Variants in RSRC1 observed in about 807,000 individuals in gnomAD.
RSRC1 encodes arginine and serine rich coiled-coil 1, also known as serine/Arginine-related protein 53.
A neutral mutation model predicts 49.1 loss-of-function variants in RSRC1; 39 were observed. The ratio of observed to expected loss-of-function variants is 0.79; its 90% CI spans 0.61 to 1.04. The LOEUF (loss-of-function observed/expected upper bound fraction) is 1.04. Among genes scored for constraint, RSRC1 ranks in the 50% least tolerant of loss-of-function variants. The pLI, the probability that RSRC1 is intolerant of heterozygous loss-of-function variation, is 0.00. For synonymous variants in RSRC1, 143 were observed against 130.8 expected (o/e 1.09, Z -0.63); for missense variants, 388 against 402.4 (o/e 0.96, Z 0.31).
At chr3:158,241,480 A>G (rs1426664002) in intron 4 of RSRC1, among the ~76,000 whole-genome samples, 1 of 151,410 alleles carries the variant, frequency 6.6e-6, no homozygotes, top group Non-Finnish European at 1.5e-5. Context: ...ATATTATAAA[A>G]ATATTTTTTT....
intron 4 of RSRC1, among the ~76,000 whole-genome samples, chr3:158,207,553 G>A (rs1721411410): frequency 6.6e-6 from 1 of 152,084 alleles, no homozygotes; most frequent in African/African-American, 2.4e-5. Context: ...ATTGTGCAGT[G>A]CATGACAAGT....
intron 6 of RSRC1, among the ~76,000 whole-genome samples, chr3:158,454,832 C>T (rs1183783803): frequency 2.0e-5 from 3 of 152,056 alleles, no homozygotes; most frequent in East Asian, 1.9e-4. Context: ...TCATTGTGCC[C>T]TGTCTCCATT....
intron 6 of RSRC1, among the ~76,000 whole-genome samples, chr3:158,399,601 A>G (rs531543648): frequency 6.6e-6 from 1 of 152,298 alleles, no homozygotes; most frequent in Admixed American, 6.5e-5. Context: ...GTAATATGAA[A>G]TTAGAAATCC....
chr3:158,410,454 A>T (rs374301164), intron 6 of RSRC1, among the ~76,000 whole-genome samples: 1 of 152,202 alleles, frequency 6.6e-6, no homozygotes, highest in South Asian at 2.1e-4. Flanking sequence ...AACTTCTTTC[A>T]TAGTAATCAA....
At chr3:158,504,185 C>T (rs1739743514) in intron 7 of RSRC1, among the ~76,000 whole-genome samples, 1 of 152,210 alleles carries the variant, frequency 6.6e-6, no homozygotes, top group South Asian at 2.1e-4. Flanking sequence ...GAGGCTGTCC[C>T]ATTCTCACTT....
intron 4 of RSRC1, among the ~76,000 whole-genome samples, chr3:158,249,831 A>G (rs187155448): frequency 2.0e-4 from 30 of 152,260 alleles, no homozygotes; most frequent in African/African-American, 3.1e-4. Context: ...AAACAATTCA[A>G]TTATACTTTT....
At chr3:158,145,773 G>A (rs149140560) in intron 3 of RSRC1, among the ~76,000 whole-genome samples, 50 of 152,304 alleles carry the variant, frequency 3.3e-4, no homozygotes, top group African/African-American at 1.2e-3. Flanking sequence ...AACATGGAAT[G>A]TTCTTCCATT....
At chr3:158,436,187 A>G (rs1034304041) in intron 6 of RSRC1, among the ~76,000 whole-genome samples, 1 of 151,936 alleles carries the variant, frequency 6.6e-6, no homozygotes, top group Admixed American at 6.6e-5. Flanking sequence ...GACCTCAAGT[A>G]GTTGGCAGTC....
At chr3:158,447,258 A>G (rs573554703) in intron 6 of RSRC1, among the ~76,000 whole-genome samples, 2 of 152,124 alleles carry the variant, frequency 1.3e-5, no homozygotes, top group Admixed American at 6.6e-5. Context: ...TTAGACTTAA[A>G]TGATGAGTCT....
intron 3 of RSRC1, among the ~76,000 whole-genome samples, chr3:158,147,384 T>G (rs373833945): frequency 2.0e-5 from 3 of 152,096 alleles, no homozygotes; most frequent in African/African-American, 7.2e-5. Flanking sequence ...GGGACTACAA[T>G]TCCATCATTA....
chr3:158,242,385 T>C (rs1279977129), intron 4 of RSRC1, among the ~76,000 whole-genome samples: 2 of 152,142 alleles, frequency 1.3e-5, no homozygotes, highest in Admixed American at 6.6e-5. Flanking sequence ...CATGATCTTG[T>C]TCCTTTTTAT....
At chr3:158,323,419 A>G (rs1281965854) in intron 5 of RSRC1, among the ~76,000 whole-genome samples, 2 of 152,176 alleles carry the variant, frequency 1.3e-5, no homozygotes, top group Non-Finnish European at 2.9e-5. Flanking sequence ...CAAATTCACA[A>G]TTCTCCCGGA....
At chr3:158,116,337 G>A (rs985488117) in intron 1 of RSRC1, among the ~76,000 whole-genome samples, 1 of 152,042 alleles carries the variant, frequency 6.6e-6, no homozygotes, top group African/African-American at 2.4e-5. Flanking sequence ...CATAATAAAA[G>A]CAGCTAATTC....
chr3:158,184,137 G>C (rs1371673063), intron 3 of RSRC1, among the ~76,000 whole-genome samples: 2 of 152,018 alleles, frequency 1.3e-5, no homozygotes, highest in Admixed American at 6.6e-5. Context: ...CTAAGAAAAA[G>C]TATAATTTTT....
chr3:158,446,657 G>T (rs1009337377), intron 6 of RSRC1, among the ~76,000 whole-genome samples: 1 of 151,716 alleles, frequency 6.6e-6, no homozygotes, highest in Non-Finnish European at 1.5e-5. Context: ...TTGTATGTGG[G>T]ACTGAATTTA....
intron 7 of RSRC1, among the ~76,000 whole-genome samples, chr3:158,528,723 T>G (rs887111578): frequency 1.3e-5 from 2 of 151,952 alleles, no homozygotes; most frequent in Non-Finnish European, 2.9e-5. Flanking sequence ...CTGGTATACA[T>G]CAAATTATAT....
intron 6 of RSRC1, among the ~76,000 whole-genome samples, chr3:158,364,816 A>AAT (rs1731669009): frequency 3.5e-5 from 5 of 144,210 alleles, no homozygotes; most frequent in Non-Finnish European, 6.1e-5. Context: ...AGAATGGGAA[A>AAT]AATAATAATA....
At chr3:158,388,389 CT>C in intron 6 of RSRC1, among the ~76,000 whole-genome samples, 1 of 152,090 alleles carries the variant, frequency 6.6e-6, no homozygotes, top group South Asian at 2.1e-4. Flanking sequence ...AGATATCACC[CT>C]TTACATTATT....
intron 4 of RSRC1, among the ~76,000 whole-genome samples, chr3:158,263,244 T>A (rs1724995225): frequency 6.6e-6 from 1 of 152,166 alleles, no homozygotes; most frequent in African/African-American, 2.4e-5. Flanking sequence ...ATGGTTGTTT[T>A]ATTTTGTCAA....
Sources: allele counts gnomAD v4.1 joint callset (sites outside exome capture counted in the v4.1 genomes callset), GRCh38; gene constraint gnomAD v4.1.1; transcripts MANE v1.5; gene names NCBI Gene and HGNC (gene_info 2026-07-23, HGNC 2026-07-21).